The following FKBP6 variants were observed in gnomAD, a reference collection of about 807,000 sequenced individuals.
FKBP6 encodes the protein FKBP prolyl isomerase family member 6 (inactive).
Under a neutral mutation model 41.7 loss-of-function variants are expected in FKBP6, and 29 were observed. The observed-to-expected ratio is 0.70, with a 90% confidence interval of 0.52 to 0.95. FKBP6 has a LOEUF of 0.95. Ranked by LOEUF, FKBP6 falls within the 40% of genes least tolerant of loss-of-function variation. FKBP6 has a pLI of 0.00. For missense variants in FKBP6, 338 were observed against 408.7 expected (o/e 0.83, Z 1.49); for synonymous variants, 130 against 165.1 (o/e 0.79, Z 1.63).
Position 73,348,664 on chromosome 7 carries a change from A to G in FKBP6, c.*2+5765A>G, listed in dbSNP as rs112112043. Among the ~76,000 whole-genome samples, 1,353 of 152,304 alleles carry G rather than the reference A, an allele frequency of 8.9e-3. 30 individuals are homozygous for G. The highest frequency in any genetic ancestry group is 0.031 in the African/African-American group (1,277 of 41,562). ...TGACCCCATTTCAGACTCCAGTGAC[A>G]ATTCCAGGTTGTCCCTGTGCTTCTT... On this transcript the variant is annotated intron_variant, in intron 8 of 8. Coordinates refer to ENST00000252037, the MANE Select transcript of FKBP6 (RefSeq NM_003602.5).
rs782579695 is a variant in FKBP6, at chr7:73,330,132, C to G, written c.266-18C>G. On this transcript the variant is annotated intron_variant, in intron 3 of 8. Transcript: ENST00000252037. ...ATACTGAGCAAGCTTCACCCACCTT[C>G]TTTGTCCATTCTTACAGATATTACA... 16 of 1,604,218 alleles carry G rather than the reference C, an allele frequency of 1.0e-5. No homozygotes were observed. The South Asian group carries it at 1.8e-4, about 18-fold the overall frequency.
At chr7:73,350,532 T>C (rs4717084) in intron 8 of FKBP6, among the ~76,000 whole-genome samples, 18,985 of 152,076 alleles carry the variant, frequency 0.12, 1,315 homozygotes, top group Middle Eastern at 0.18. Flanking sequence ...GTTGAGGAAA[T>C]TCCCCCCTCC....
intron 8 of FKBP6, among the ~76,000 whole-genome samples, chr7:73,353,036 CTCT>C (rs1199872585): frequency 7.9e-5 from 12 of 152,178 alleles, no homozygotes; most frequent in Admixed American, 6.6e-4. Context: ...TGGCCCCTTC[CTCT>C]TCTTCAAAGA....
In FKBP6 at chr7:73,340,941, T is replaced by TA. The variant is rs10695841; in HGVS notation, c.783+110dup. Reference sequence around the variant, plus strand: ...TCTTTTTTTTTTTTTTTTTTTTTTTTAGACAGAGTTTTGCTCTTGTTGCCC... The same window carrying TA: ...TCTTTTTTTTTTTTTTTTTTTTTTTTAAGACAGAGTTTTGCTCTTGTTGCCC... On this transcript the variant is annotated intron_variant, in intron 6 of 8. Coordinates refer to ENST00000252037, the MANE Select transcript of FKBP6 (RefSeq NM_003602.5). 82 of 767,286 alleles carry TA rather than the reference T, an allele frequency of 1.1e-4. No individual in the cohort carries two copies. In the East Asian group the frequency reaches 2.0e-3, roughly 19 times the overall value. 47.5% of individuals were successfully genotyped at this position (767,286 alleles called of 1,614,324 possible).
At chr7:73,358,146 T>A (rs1805687502) in intron 8 of FKBP6, 35 bp from the exon 9 acceptor site, 1 of 151,770 alleles carries the variant, frequency 6.6e-6, no homozygotes, top group Non-Finnish European at 1.5e-5. Flanking sequence ...AGCTGCTGAG[T>A]CCTGAGATGT....
At chr7:73,337,098 T>C (rs1554548656) in intron 5 of FKBP6, 2 of 323,812 alleles carry the variant, frequency 6.2e-6, no homozygotes, top group African/African-American at 4.3e-5. Flanking sequence ...CTTCACAATT[T>C]CATTTGGGTA....
chr7:73,341,453 C>A, intron 7 of FKBP6, 71 bp downstream of exon 7: 4 of 968,162 alleles, frequency 4.1e-6, no homozygotes, highest in Non-Finnish European at 6.7e-6. Flanking sequence ...CCCCACCCCC[C>A]CCAACAAAGG....
At chr7:73,339,860 G>A (rs539491777) in intron 5 of FKBP6, among the ~76,000 whole-genome samples, 3 of 152,118 alleles carry the variant, frequency 2.0e-5, no homozygotes, top group South Asian at 2.1e-4. Flanking sequence ...TGATCTGCCC[G>A]CCTCAGCCTC....
rs1554546651 is a variant in FKBP6, at chr7:73,328,321, G to C, written c.-108G>C. ...GAATGGAATGCCGCCGTCGGTAGGG[G>C]TCTGCCGGGCATAAAGGGGCCTTCG... On this transcript the variant is annotated 5_prime_UTR_variant, in exon 1 of 9. Transcript: ENST00000252037. The C allele has an allele frequency of 6.5e-7, 1 of 1,549,620 alleles. No individual in the cohort carries two copies. The highest frequency in any genetic ancestry group is 2.0e-5 in the Admixed American group (1 of 51,000).
chr7:73,334,618 T>C (rs1161166946), intron 5 of FKBP6, among the ~76,000 whole-genome samples: 1 of 152,180 alleles, frequency 6.6e-6, no homozygotes. Context: ...ATCCCATCTC[T>C]ACAAAAAATA....
In FKBP6 at chr7:73,342,816, G is replaced by A; in HGVS notation, c.903G>A (p.Arg301=). Residue 301 remains arginine (R), a synonymous_variant, in exon 8 of 9, where the codon AGG becomes AGA. Coordinates refer to ENST00000252037, the MANE Select transcript of FKBP6 (RefSeq NM_003602.5). Reference sequence around the variant, plus strand: ...GTATTTCCCTCTCCAGCTGTTACAGGGACTATGTGGATAAAGAGAAAGAAA... The same window carrying A: ...GTATTTCCCTCTCCAGCTGTTACAGAGACTATGTGGATAAAGAGAAAGAAA... ...NELKKLASCY[R]DYVDKEKEMW... is the part of the protein sequence containing the mutation. 1.2e-6 allele frequency: 2 copies of A among 1,612,354 alleles called. No individual in the cohort carries two copies. Among genetic ancestry groups the A allele is most frequent in the South Asian group, 1.1e-5 (1 of 91,060 alleles).
At chr7:73,334,168 C>T (rs1184883272) in intron 5 of FKBP6, among the ~76,000 whole-genome samples, 1 of 152,124 alleles carries the variant, frequency 6.6e-6, no homozygotes, top group African/African-American at 2.4e-5. Flanking sequence ...TCTACGTGAC[C>T]TGTTTTTTCT....
chr7:73,355,480 CTT>C (rs1554551790), intron 8 of FKBP6, among the ~76,000 whole-genome samples: 1 of 152,080 alleles, frequency 6.6e-6, no homozygotes, highest in Non-Finnish European at 1.5e-5. Context: ...CTGTAGGGAG[CTT>C]GAAGTTGATC....
At chr7:73,329,491 G>A in intron 3 of FKBP6, 42 bp downstream of exon 3, 2 of 1,229,536 alleles carry the variant, frequency 1.6e-6, no homozygotes, top group African/African-American at 3.0e-5. Flanking sequence ...AATTGTTTAG[G>A]GGCTAGATGA....
chr7:73,340,915 GTCT>G (rs1172255150), intron 6 of FKBP6, 83 bp downstream of exon 6: 29 of 637,038 alleles, frequency 4.6e-5, no homozygotes, highest in Non-Finnish European at 6.6e-5. Flanking sequence ...CAAAAATGCT[GTCT>G]TTTTTTTTTT....
chr7:73,341,500 G>A (rs1805187546), intron 7 of FKBP6, 118 bp downstream of exon 7: 9 of 759,918 alleles, frequency 1.2e-5, no homozygotes, highest in South Asian at 2.8e-5. Context: ...TTAGGAGGCC[G>A]CCCCCTCTAC....
At chr7:73,343,665 C>T (rs1805258570) in intron 8 of FKBP6, among the ~76,000 whole-genome samples, 1 of 152,176 alleles carries the variant, frequency 6.6e-6, no homozygotes, top group South Asian at 2.1e-4. Context: ...TTTGCAGGCA[C>T]AGGGCGGGAG....
chr7:73,331,463 T>C (rs907458748), intron 4 of FKBP6, among the ~76,000 whole-genome samples, 194 bp from the exon 5 acceptor site: 3 of 152,226 alleles, frequency 2.0e-5, no homozygotes, highest in Admixed American at 2.0e-4. Flanking sequence ...CAGAAGTGCA[T>C]GATCTGAAAA....
At chr7:73,350,835 C>G (rs532377532) in intron 8 of FKBP6, among the ~76,000 whole-genome samples, 1 of 152,166 alleles carries the variant, frequency 6.6e-6, no homozygotes, top group Admixed American at 6.5e-5. Flanking sequence ...CCAGGGGTTC[C>G]CTGGTTCCAA....
Sources: allele counts gnomAD v4.1 joint callset (sites outside exome capture counted in the v4.1 genomes callset), GRCh38; gene constraint gnomAD v4.1.1; transcripts MANE v1.5; gene names NCBI Gene and HGNC (gene_info 2026-07-23, HGNC 2026-07-21).